Variants in EPM2A observed in about 807,000 individuals in gnomAD.
EPM2A encodes EPM2A glucan phosphatase, laforin.
Under a neutral mutation model 26.5 loss-of-function variants are expected in EPM2A, and 21 were observed. The ratio of observed to expected loss-of-function variants is 0.79; its 90% CI spans 0.56 to 1.14. The LOEUF is 1.14. Ranked by LOEUF, EPM2A falls within the 50% of genes most tolerant of loss-of-function variation. EPM2A has a pLI of 0.00. For synonymous variants in EPM2A, 217 were observed against 177.6 expected (o/e 1.22, Z -1.76); for missense variants, 458 against 440.8 (o/e 1.04, Z -0.35).
intron 4 of EPM2A, among the ~76,000 whole-genome samples, chr6:145,440,617 A>G (rs1298044465): frequency 6.6e-6 from 1 of 152,210 alleles, no homozygotes; most frequent in Non-Finnish European, 1.5e-5. Flanking sequence ...TACTTCCTAG[A>G]TACAATGGGG....
chr6:145,582,692 G>A (rs1362285031), intron 2 of EPM2A, among the ~76,000 whole-genome samples: 1 of 152,160 alleles, frequency 6.6e-6, no homozygotes, highest in Non-Finnish European at 1.5e-5. Flanking sequence ...GAATTCAAAT[G>A]TAGGCTTCTG....
intron 2 of EPM2A, among the ~76,000 whole-genome samples, chr6:145,548,652 C>T (rs1666898858): frequency 6.6e-6 from 1 of 152,076 alleles, no homozygotes; most frequent in African/African-American, 2.4e-5. Context: ...AATTGATTGC[C>T]ATTGATCCCT....
At chr6:145,607,839 T>C (rs987612593) in intron 2 of EPM2A, among the ~76,000 whole-genome samples, 4 of 152,202 alleles carry the variant, frequency 2.6e-5, no homozygotes, top group Non-Finnish European at 5.9e-5. Flanking sequence ...TCCCCATCTG[T>C]CCTGTATTCA....
At chr6:145,680,520 T>G (rs1439597624) in intron 2 of EPM2A, among the ~76,000 whole-genome samples, 1 of 152,032 alleles carries the variant, frequency 6.6e-6, no homozygotes, top group Non-Finnish European at 1.5e-5. Context: ...TAGGTGTATC[T>G]CCTAAAGCTA....
intron 4 of EPM2A, among the ~76,000 whole-genome samples, chr6:145,409,721 A>T (rs1778618839): frequency 6.6e-6 from 1 of 152,140 alleles, no homozygotes; most frequent in African/African-American, 2.4e-5. Context: ...TATATGAGCT[A>T]GGGGGACTCT....
intron 2 of EPM2A, among the ~76,000 whole-genome samples, chr6:145,678,123 C>T (rs987942592): frequency 1.3e-5 from 2 of 152,146 alleles, no homozygotes; most frequent in Non-Finnish European, 1.5e-5. Flanking sequence ...GAAATAACAC[C>T]GCACTTCTAC....
chr6:145,622,996 G>A (rs1338574635), downstream of EPM2A, among the ~76,000 whole-genome samples: 2 of 152,184 alleles, frequency 1.3e-5, no homozygotes, highest in African/African-American at 4.8e-5. Context: ...TTGTAAAACA[G>A]GGATAATATC....
intron 4 of EPM2A, among the ~76,000 whole-genome samples, chr6:145,474,979 G>A (rs1398879173): frequency 1.3e-5 from 2 of 152,168 alleles, no homozygotes; most frequent in East Asian, 3.8e-4. Context: ...ACAGATGCTG[G>A]AGAGGATGTG....
At chr6:145,694,262 C>T (rs543116366) in intron 1 of EPM2A, among the ~76,000 whole-genome samples, 1 of 151,986 alleles carries the variant, frequency 6.6e-6, no homozygotes, top group Non-Finnish European at 1.5e-5. Context: ...CACATCTGAT[C>T]TCTCTCATGC....
chr6:145,452,489 C>CAAAAAAAAAAAAA (rs563777945), intron 4 of EPM2A, among the ~76,000 whole-genome samples: 16 of 75,866 alleles, frequency 2.1e-4, no homozygotes, highest in African/African-American at 6.7e-4. Context: ...ACTAAAAATA[C>CAAAAAAAAAAAAA]AAAAAAAAAA....
At chr6:145,400,984 A>G (rs555180988) in intron 4 of EPM2A, among the ~76,000 whole-genome samples, 16 of 152,164 alleles carry the variant, frequency 1.1e-4, no homozygotes, top group African/African-American at 1.9e-4. Flanking sequence ...CAGAATGAAA[A>G]AAATATTAGA....
intron 1 of EPM2A, among the ~76,000 whole-genome samples, chr6:145,697,663 G>A (rs1781685261): frequency 6.6e-6 from 1 of 152,122 alleles, no homozygotes; most frequent in Admixed American, 6.6e-5. Flanking sequence ...TTTCTCAGGG[G>A]TGTTCCTTGC....
intron 4 of EPM2A, among the ~76,000 whole-genome samples, chr6:145,450,517 C>G (rs2114708308): frequency 6.6e-6 from 1 of 152,284 alleles, no homozygotes; most frequent in Non-Finnish European, 1.5e-5. Flanking sequence ...AGAATGATCA[C>G]AGCACTATTA....
chr6:145,675,422 T>G (rs1050688779), intron 2 of EPM2A, among the ~76,000 whole-genome samples: 2 of 152,144 alleles, frequency 1.3e-5, no homozygotes, highest in Admixed American at 6.5e-5. Context: ...CAGGATCAAA[T>G]TCATACATAG....
chr6:145,416,191 G>A (rs948398933), intron 4 of EPM2A, among the ~76,000 whole-genome samples: 5 of 151,204 alleles, frequency 3.3e-5, no homozygotes, highest in Non-Finnish European at 7.4e-5. Flanking sequence ...CTAAATAGAA[G>A]CATGAGTTTA....
chr6:145,731,518 C>T (rs1329409762), intron 1 of EPM2A, among the ~76,000 whole-genome samples: 2 of 152,060 alleles, frequency 1.3e-5, no homozygotes, highest in Non-Finnish European at 2.9e-5. Flanking sequence ...CTAATGAGAA[C>T]ACAGGAAAAC....
chr6:145,493,344 T>G (rs759978867), intron 4 of EPM2A, among the ~76,000 whole-genome samples: 1 of 152,266 alleles, frequency 6.6e-6, no homozygotes, highest in East Asian at 1.9e-4. Flanking sequence ...TTCTGTATCC[T>G]GAGACTTTGC....
chr6:145,673,396 G>A (rs1779792416), intron 2 of EPM2A, among the ~76,000 whole-genome samples: 2 of 152,150 alleles, frequency 1.3e-5, no homozygotes, highest in African/African-American at 4.8e-5. Flanking sequence ...TCCAACTGAG[G>A]TACCTGGTTC....
At chr6:145,735,627 T>C, upstream of EPM2A, 1 of 1,081,888 alleles carries the variant, frequency 9.2e-7, no homozygotes. Context: ...GAACACGTGC[T>C]GTTCTGCGCC....
Sources: gnomAD v4.1 joint callset for allele counts (sites outside exome capture counted in the v4.1 genomes callset) on GRCh38, gnomAD v4.1.1 for gene constraint, MANE v1.5 for transcripts, NCBI Gene and HGNC (gene_info 2026-07-23, HGNC 2026-07-21) for gene names.